ARNT2: variants seen among roughly 807,000 people sequenced by gnomAD.
ARNT2 encodes aryl hydrocarbon receptor nuclear translocator 2.
ARNT2 carries 36 observed loss-of-function variants against 91.7 expected under a neutral mutation model. The observed-to-expected ratio is 0.39, with a 90% CI of 0.30 to 0.52. The LOEUF is 0.52. Among genes scored for constraint, ARNT2 ranks in the 20% least tolerant of loss-of-function variants. The pLI is 0.72. For synonymous variants in ARNT2, 365 were observed against 347.1 expected, an observed-to-expected ratio of 1.05 and a Z score of -0.57; for missense variants, 775 against 939.3, an observed-to-expected ratio of 0.83 and a Z score of 2.29.
At chr15:80,569,049 T>C (rs1438869117) in intron 12 of ARNT2, among the ~76,000 whole-genome samples, 1 of 152,208 alleles carries the variant, frequency 6.6e-6, no homozygotes, top group African/African-American at 2.4e-5. Context: ...ACAATAGGCA[T>C]GCAGATGGTG....
intron 5 of ARNT2, among the ~76,000 whole-genome samples, chr15:80,480,550 A>G (rs116226115): frequency 0.029 from 4,486 of 152,250 alleles, 205 homozygotes; most frequent in African/African-American, 0.1. Flanking sequence ...AGCATAACCC[A>G]CGGACTCTTC....
chr15:80,520,846 G>A (rs1277914555), intron 8 of ARNT2, among the ~76,000 whole-genome samples: 1 of 152,022 alleles, frequency 6.6e-6, no homozygotes, highest in Non-Finnish European at 1.5e-5. Flanking sequence ...GAGAATACTT[G>A]CCGGTAGCAC....
intron 8 of ARNT2, among the ~76,000 whole-genome samples, chr15:80,536,169 G>C (rs567347705): frequency 6.6e-6 from 1 of 152,240 alleles, no homozygotes; most frequent in African/African-American, 2.4e-5. Flanking sequence ...GTGAGGTTAA[G>C]AGCAGAGGTT....
At position 80,591,993 on chromosome 15, in the gene ARNT2, C is replaced by A. The variant is rs1420981813; in HGVS notation, c.2055+289C>A. On this transcript the variant is annotated intron_variant, in intron 18 of 18. Coordinates refer to ENST00000303329, the MANE Select transcript of ARNT2 (RefSeq NM_014862.4). The surrounding 1 kb of genome is among the most constrained non-coding windows in gnomAD (Gnocchi z 5.1). ...TCCAGAGCTATCCAGGGTAGAGGCA[C>A]AAAACCAAGGCCAAAGGGGGTCTCT... Among the ~76,000 whole-genome samples, 1 of 152,128 alleles carries A rather than the reference C, an allele frequency of 6.6e-6. No individual in the cohort carries two copies. Among genetic ancestry groups the A allele is most frequent in the Non-Finnish European group, 1.5e-5 (1 of 68,022 alleles).
At chr15:80,546,255 C>T (rs1164258392) in intron 8 of ARNT2, among the ~76,000 whole-genome samples, 1 of 152,216 alleles carries the variant, frequency 6.6e-6, no homozygotes, top group Non-Finnish European at 1.5e-5. Context: ...TATTGTGTGA[C>T]CCTGGCTTTC....
At position 80,514,322 on chromosome 15, in the gene ARNT2, A is replaced by G; in HGVS notation, c.794A>G (p.Asn265Ser). Reference protein sequence around the residue: ...RITTMRKRFRNGLGPVKEGEA... With the variant: ...RITTMRKRFRSGLGPVKEGEA... ...ATTTCACAAATGTTCTTTTTTAGGA[A>G]TGGCCTTGGCCCTGTGAAAGAAGGA... is the stretch of plus-strand genomic sequence containing the variant. Residue 265 changes from asparagine to serine, a missense_variant and splice_region_variant, in exon 8 of 19, where the codon AAT becomes AGT. Physicochemically the swap from Asn to Ser is conservative, Grantham distance 46 (BLOSUM62 1). Around this residue, in one of 5 missense-constraint regions of ARNT2, gnomAD observed 285 missense variants for 327.2 expected, o/e 0.87. Coordinates refer to ENST00000303329, the MANE Select transcript of ARNT2 (RefSeq NM_014862.4). 6.2e-7 allele frequency: 1 copy of G among 1,614,144 alleles called. No homozygotes were observed. Among genetic ancestry groups the G allele is most frequent in the Non-Finnish European group, 8.5e-7 (1 of 1,180,002 alleles).
chr15:80,572,286 G>A (rs1244069715), intron 12 of ARNT2, among the ~76,000 whole-genome samples: 1 of 151,978 alleles, frequency 6.6e-6, no homozygotes, highest in Non-Finnish European at 1.5e-5. Flanking sequence ...TCCTGGATGG[G>A]GGCCTCCAGA....
chr15:80,503,185 A>G (rs1429823935), intron 5 of ARNT2, among the ~76,000 whole-genome samples: 2 of 152,182 alleles, frequency 1.3e-5, no homozygotes, highest in Non-Finnish European at 2.9e-5. Flanking sequence ...AGCCGGTAGT[A>G]AGCAAACCCA....
chr15:80,534,960 G>A (rs1250711684), intron 8 of ARNT2, among the ~76,000 whole-genome samples: 1 of 152,164 alleles, frequency 6.6e-6, no homozygotes, highest in Non-Finnish European at 1.5e-5. Flanking sequence ...ACAAGATTTA[G>A]TGGGAGGAAC....
rs1230643416 is a variant in ARNT2 at position 80,581,001 on chromosome 15, C to A, written c.1753-238C>A. 5 of 566,962 alleles carry A rather than the reference C, an allele frequency of 8.8e-6. No individual in the cohort carries two copies. In the Admixed American group the frequency reaches 1.5e-4, roughly 17 times the overall value. The allele number at this position is 566,962 out of a possible 1,614,324, so 35.1% of individuals were successfully genotyped here. ...CCTTGGTAACCAGACTCCAGAGGGCCCGGATCCTCGTAGCCCTGGGGAGTA... is the reference window on the plus strand; with the variant it reads ...CCTTGGTAACCAGACTCCAGAGGGCACGGATCCTCGTAGCCCTGGGGAGTA... On this transcript the variant is annotated intron_variant, in intron 16 of 18. Transcript: ENST00000303329.
At chr15:80,492,536 G>A (rs1274253463) in intron 5 of ARNT2, among the ~76,000 whole-genome samples, 1 of 152,188 alleles carries the variant, frequency 6.6e-6, no homozygotes, top group African/African-American at 2.4e-5. Context: ...GTTGGAAGCA[G>A]AGGTCCTTAT....
intron 8 of ARNT2, 103 bp from the exon 9 acceptor site, chr15:80,551,096 C>T (rs1898072977): frequency 8.8e-7 from 1 of 1,135,190 alleles, no homozygotes; most frequent in South Asian, 1.3e-5. Flanking sequence ...GCATGGCCAA[C>T]ACTCACTGTA....
At position 80,575,383 on chromosome 15, in the gene ARNT2, A is replaced by G. The variant is rs1177331443; in HGVS notation, c.1513+273A>G. On this transcript the variant is annotated intron_variant, in intron 14 of 18. Coordinates refer to ENST00000303329, the MANE Select transcript of ARNT2 (RefSeq NM_014862.4). ...ACATGTTAGGGATTGTAGGAATGAG[A>G]TGGGTAGAAATTTGAAGATTCTGGG... 2.0e-5 allele frequency among the ~76,000 whole-genome samples: 3 copies of G among 152,058 alleles called. No individual in the cohort carries two copies. In the South Asian group the frequency reaches 6.2e-4, roughly 32 times the overall value.
chr15:80,574,110 T>C, intron 12 of ARNT2, 38 bp from the exon 13 acceptor site: 1 of 1,596,024 alleles, frequency 6.3e-7, no homozygotes, highest in Non-Finnish European at 8.6e-7. Context: ...TCACCCCTTC[T>C]GTTCTTCATG....
chr15:80,424,961 T>C (rs1221346111), intron 1 of ARNT2, among the ~76,000 whole-genome samples: 1 of 152,224 alleles, frequency 6.6e-6, no homozygotes, highest in Admixed American at 6.5e-5. Flanking sequence ...AATAAATCCT[T>C]TTTTTGTAGC....
chr15:80,434,586 G>A (rs1896058186), intron 1 of ARNT2: 1 of 152,528 alleles, frequency 6.6e-6, no homozygotes, highest in South Asian at 2.1e-4. Flanking sequence ...CGGGGAGGCA[G>A]AGCATTAGTA....
intron 1 of ARNT2, among the ~76,000 whole-genome samples, chr15:80,412,427 A>G (rs1595951550): frequency 2.0e-5 from 3 of 152,230 alleles, no homozygotes; most frequent in South Asian, 4.1e-4. Flanking sequence ...GCACAAAAAC[A>G]CTAAGATAAT....
rs537711969 is a variant in ARNT2 at position 80,536,673 on chromosome 15, C to G, written c.878-14526C>G. On this transcript the variant is annotated intron_variant, in intron 8 of 18. Transcript: ENST00000303329. ...CCGAGGACTTCCTTACCCCCACTATCTGCCTAAATAATTTCTTCTTAACTC... is the reference window on the plus strand; with the variant it reads ...CCGAGGACTTCCTTACCCCCACTATGTGCCTAAATAATTTCTTCTTAACTC... Among the ~76,000 whole-genome samples, 4 of 152,278 alleles carry G rather than the reference C, an allele frequency of 2.6e-5. No homozygotes were observed. The East Asian group carries it at 7.7e-4, about 29-fold the overall frequency.
At chr15:80,513,864 A>AACGTGTAAGCATCAATTAAGGCTCATCT in intron 6 of ARNT2, 47 bp from the exon 7 acceptor site, 1 of 1,514,298 alleles carries the variant, frequency 6.6e-7, no homozygotes, top group Non-Finnish European at 9.2e-7. Context: ...ATATTGAATA[A>AACGTGTAAGCATCAATTAAGGCTCATCT]ACTTGCCTGG....
Sources: allele counts gnomAD v4.1 joint callset (sites outside exome capture counted in the v4.1 genomes callset), GRCh38; gene constraint gnomAD v4.1.1; regional missense constraint gnomAD v4.1.1; non-coding constraint Gnocchi (gnomAD v3.1); transcripts MANE v1.5; gene names NCBI Gene and HGNC (gene_info 2026-07-23, HGNC 2026-07-21).